PTPRQ: variants seen among roughly 807,000 people sequenced by gnomAD.
The protein encoded by PTPRQ is phosphatidylinositol phosphatase PTPRQ.
PTPRQ carries 199 observed loss-of-function variants against 246.0 expected under a neutral mutation model. That is an observed-to-expected ratio of 0.81 (90% CI 0.72 to 0.91). PTPRQ has a LOEUF of 0.91. Among genes scored for constraint, PTPRQ ranks in the 40% least tolerant of loss-of-function variants. The pLI, the probability that PTPRQ is intolerant of heterozygous loss-of-function variation, is 0.00. For missense variants in PTPRQ, 2,624 were observed against 2,528.4 expected (o/e 1.04, Z -0.81); for synonymous variants, 869 against 853.2 (o/e 1.02, Z -0.32).
intron 25 of PTPRQ, among the ~76,000 whole-genome samples, chr12:80,586,197 A>G (rs1231700369): frequency 4.6e-5 from 7 of 152,072 alleles, no homozygotes; most frequent in Non-Finnish European, 8.8e-5. Flanking sequence ...ATAAACACAC[A>G]AGAAAAAAAC....
intron 3 of PTPRQ, chr12:80,454,635 T>C: frequency 1.5e-6 from 1 of 671,338 alleles, no homozygotes; most frequent in South Asian, 1.6e-5. Flanking sequence ...TTTTGACATA[T>C]GTTCCTTTGA....
Position 80,677,607 on chromosome 12 carries a change from C to T in PTPRQ, c.6739-995C>T, listed in dbSNP as rs1335753256. Among the ~76,000 whole-genome samples, 5 of 152,282 alleles carry T rather than the reference C, an allele frequency of 3.3e-5. No homozygotes were observed. In the East Asian group the frequency reaches 9.6e-4, roughly 29 times the overall value. On this transcript the variant is annotated intron_variant, in intron 43 of 44. Coordinates refer to ENST00000644991, the MANE Select transcript of PTPRQ (RefSeq NM_001145026.2). ...ATGACAGAGTTCTGCCTTTATAAAA[C>T]TGACGTTCCAGTAATGAGATGTTCT...
intron 17 of PTPRQ, among the ~76,000 whole-genome samples, chr12:80,521,926 G>A (rs934331392): frequency 2.0e-5 from 3 of 152,094 alleles, no homozygotes; most frequent in African/African-American, 7.2e-5. Context: ...TGATGGGGAT[G>A]GCATAGAATC....
chr12:80,644,807 C>T (rs1163030), intron 35 of PTPRQ, among the ~76,000 whole-genome samples: 15,795 of 151,972 alleles, frequency 0.1, 1,235 homozygotes, highest in African/African-American at 0.21. Flanking sequence ...ATGTAGCCAA[C>T]ACCTAAGGGA....
At position 80,445,742 on chromosome 12, in the gene PTPRQ, T is replaced by C. The variant is rs1018785665; in HGVS notation, c.390+25T>C. On this transcript the variant is annotated intron_variant, in intron 3 of 44. Transcript: ENST00000644991. Reference sequence around the variant, plus strand: ...GGTAATTATTTTGTGTATGACTACTTAGTGTTCAAACATTTCATTCATTTT... The same window carrying C: ...GGTAATTATTTTGTGTATGACTACTCAGTGTTCAAACATTTCATTCATTTT... The C allele has an allele frequency of 2.2e-6, 3 of 1,384,260 alleles. No individual in the cohort carries two copies. In the African/African-American group the frequency reaches 4.3e-5, roughly 20 times the overall value. The allele number at this position is 1,384,260 out of a possible 1,614,324, so 85.7% of individuals were successfully genotyped here. A position where few individuals can be genotyped will look rare whatever the true frequency, so the allele number is the denominator to read the frequency against.
At chr12:80,509,414 G>T (rs1895059267) in intron 16 of PTPRQ, among the ~76,000 whole-genome samples, 1 of 151,998 alleles carries the variant, frequency 6.6e-6, no homozygotes, top group African/African-American at 2.4e-5. Context: ...AATTGACATT[G>T]TTTAAAGATG....
At chr12:80,514,402 A>ACACACACATACACACTCTCT (rs552667526) in intron 17 of PTPRQ, among the ~76,000 whole-genome samples, 1 of 112,980 alleles carries the variant, frequency 8.9e-6, no homozygotes, top group Non-Finnish European at 1.8e-5. Flanking sequence ...ACACACACAC[A>ACACACACATACACACTCTCT]CTCTCTCTCT....
intron 42 of PTPRQ, 70 bp from the exon 43 acceptor site, chr12:80,673,099 T>C: frequency 6.6e-7 from 1 of 1,523,238 alleles, no homozygotes; most frequent in Non-Finnish European, 8.8e-7. Flanking sequence ...TCATAGCTCA[T>C]TATCTTTATC....
chr12:80,457,322 C>T (rs1265708206), intron 3 of PTPRQ, among the ~76,000 whole-genome samples: 2 of 151,994 alleles, frequency 1.3e-5, no homozygotes, highest in Non-Finnish European at 2.9e-5. Flanking sequence ...CTTGCTCTAC[C>T]ATTTATTCCT....
intron 8 of PTPRQ, among the ~76,000 whole-genome samples, chr12:80,483,714 C>T (rs913595358): frequency 6.6e-6 from 1 of 151,832 alleles, no homozygotes; most frequent in East Asian, 2.0e-4. Context: ...AGGTACTTCT[C>T]CTAATGCTAT....
chr12:80,561,802 A>G (rs1038769002), intron 25 of PTPRQ, among the ~76,000 whole-genome samples: 1 of 152,120 alleles, frequency 6.6e-6, no homozygotes, highest in African/African-American at 2.4e-5. Context: ...TGCACTGACT[A>G]GAAATTTAGC....
At chr12:80,475,633 T>C in intron 8 of PTPRQ, among the ~76,000 whole-genome samples, 1 of 152,072 alleles carries the variant, frequency 6.6e-6, no homozygotes, top group Admixed American at 6.6e-5. Context: ...TTGACTCCAT[T>C]TCCTTTATCC....
intron 16 of PTPRQ, among the ~76,000 whole-genome samples, chr12:80,507,267 A>G (rs1264502824): frequency 1.3e-5 from 2 of 152,016 alleles, no homozygotes; most frequent in African/African-American, 2.4e-5. Context: ...TTAGACATAT[A>G]TTATGCTAAG....
At chr12:80,502,879 A>G (rs1187519853) in intron 14 of PTPRQ, among the ~76,000 whole-genome samples, 3 of 151,910 alleles carry the variant, frequency 2.0e-5, no homozygotes, top group Non-Finnish European at 2.9e-5. Flanking sequence ...ATAAAGAAAT[A>G]CAGAGTCCAG....
intron 27 of PTPRQ, among the ~76,000 whole-genome samples, chr12:80,608,762 G>A (rs1898431627): frequency 6.7e-6 from 1 of 150,276 alleles, no homozygotes; most frequent in African/African-American, 2.4e-5. Flanking sequence ...AAAGACAAGT[G>A]ACATGAACCA....
At chr12:80,670,308 T>C (rs996074599) in intron 41 of PTPRQ, 36 bp from the exon 42 acceptor site, 1 of 1,543,378 alleles carries the variant, frequency 6.5e-7, no homozygotes, top group Non-Finnish European at 8.7e-7. Flanking sequence ...GGAACTTAAA[T>C]AATTTTGTCA....
At chr12:80,562,900 A>G (rs1160840041) in intron 25 of PTPRQ, among the ~76,000 whole-genome samples, 1 of 152,156 alleles carries the variant, frequency 6.6e-6, no homozygotes, top group Non-Finnish European at 1.5e-5. Context: ...AAAAAAGAGA[A>G]AATTCAAGAA....
intron 26 of PTPRQ, among the ~76,000 whole-genome samples, chr12:80,591,942 T>C (rs1471613061): frequency 6.6e-6 from 1 of 152,214 alleles, no homozygotes; most frequent in African/African-American, 2.4e-5. Flanking sequence ...TTATACAAGA[T>C]GTTTAATTAG....
intron 8 of PTPRQ, among the ~76,000 whole-genome samples, chr12:80,476,055 T>C (rs1411639960): frequency 6.6e-6 from 1 of 152,034 alleles, no homozygotes; most frequent in Admixed American, 6.5e-5. Context: ...CTGTTTTTTT[T>C]TTTTCAGTTG....
Sources: allele counts gnomAD v4.1 joint callset (sites outside exome capture counted in the v4.1 genomes callset), GRCh38; gene constraint gnomAD v4.1.1; transcripts MANE v1.5; gene names NCBI Gene and HGNC (gene_info 2026-07-23, HGNC 2026-07-21).